The following OSBPL1A variants were observed in gnomAD, a reference collection of about 807,000 sequenced individuals.
The protein encoded by OSBPL1A is oxysterol binding protein like 1A.
A neutral mutation model predicts 137.1 loss-of-function variants in OSBPL1A; 80 were observed. That is an observed-to-expected ratio of 0.58 (90% CI 0.49 to 0.70). The LOEUF (loss-of-function observed/expected upper bound fraction) is 0.70, where lower values mean the gene tolerates loss of function less well. Ranked by LOEUF, OSBPL1A falls within the 30% of genes least tolerant of loss-of-function variation. The pLI is 0.00. For missense variants in OSBPL1A, 970 were observed against 1,129.4 expected (o/e 0.86, Z 2.02); for synonymous variants, 365 against 389.7 (o/e 0.94, Z 0.75).
At chr18:24,279,444 T>C (rs1480130867) in intron 15 of OSBPL1A, among the ~76,000 whole-genome samples, 1 of 151,712 alleles carries the variant, frequency 6.6e-6, no homozygotes, top group Non-Finnish European at 1.5e-5. Context: ...AAAAATTGTA[T>C]ATGAATTCAT....
chr18:24,302,023 T>G (rs2090410533), intron 14 of OSBPL1A, among the ~76,000 whole-genome samples: 1 of 152,076 alleles, frequency 6.6e-6, no homozygotes, highest in African/African-American at 2.4e-5. Flanking sequence ...GGTCAGGAGA[T>G]CGAGAGCATC....
intron 4 of OSBPL1A, among the ~76,000 whole-genome samples, chr18:24,356,943 G>A (rs1430430002): frequency 3.3e-5 from 5 of 152,124 alleles, no homozygotes; most frequent in Non-Finnish European, 5.9e-5. Context: ...AGCAGCAACC[G>A]ATAGGGCAAA....
chr18:24,320,299 T>C (rs1472346560), intron 7 of OSBPL1A, among the ~76,000 whole-genome samples: 1 of 152,030 alleles, frequency 6.6e-6, no homozygotes, highest in Non-Finnish European at 1.5e-5. Flanking sequence ...GAAAGACAGA[T>C]GATAAATTAA....
intron 4 of OSBPL1A, among the ~76,000 whole-genome samples, chr18:24,362,602 C>G (rs1232948229): frequency 2.0e-5 from 3 of 152,132 alleles, no homozygotes; most frequent in Non-Finnish European, 4.4e-5. Context: ...ATAAAGCTTC[C>G]AATCACGTGC....
At chr18:24,211,833 T>C (rs1036750780) in intron 17 of OSBPL1A, among the ~76,000 whole-genome samples, 6 of 151,584 alleles carry the variant, frequency 4.0e-5, no homozygotes, top group Non-Finnish European at 8.8e-5. Context: ...TGTGGTGGCA[T>C]GTGCTTGTAA....
Position 24,257,995 on chromosome 18 carries a change from A to C in OSBPL1A, c.1282-18613T>G, listed in dbSNP as rs556108656. On this transcript the variant is annotated intron_variant, in intron 15 of 27. Coordinates refer to ENST00000319481, the MANE Select transcript of OSBPL1A (RefSeq NM_080597.4). ...GTAACAAATGCTGGCAAGGATGTGG[A>C]GAAAGGGGAACACTGTTGGTGAGAA... 1.1e-4 allele frequency among the ~76,000 whole-genome samples: 17 copies of C among 152,336 alleles called. No individual in the cohort carries two copies. In the South Asian group the frequency reaches 3.5e-3, roughly 32 times the overall value.
chr18:24,288,121 T>C (rs1159553798), intron 14 of OSBPL1A, among the ~76,000 whole-genome samples: 1 of 152,198 alleles, frequency 6.6e-6, no homozygotes, highest in East Asian at 1.9e-4. Flanking sequence ...CAGGGTGATC[T>C]GAAAACACAT....
intron 4 of OSBPL1A, among the ~76,000 whole-genome samples, chr18:24,360,653 A>C (rs2091607704): frequency 6.6e-6 from 1 of 152,200 alleles, no homozygotes; most frequent in Non-Finnish European, 1.5e-5. Context: ...CACAAGAAAA[A>C]AAAATCGATT....
intron 1 of OSBPL1A, among the ~76,000 whole-genome samples, chr18:24,391,098 T>C (rs1907324664): frequency 6.6e-6 from 1 of 152,114 alleles, no homozygotes; most frequent in African/African-American, 2.4e-5. Context: ...CAAGACTCTG[T>C]CTCAATCGAT....
chr18:24,250,826 G>T (rs1246977608), intron 15 of OSBPL1A, among the ~76,000 whole-genome samples: 1 of 152,218 alleles, frequency 6.6e-6, no homozygotes, highest in East Asian at 1.9e-4. Context: ...TCCAGGCCTA[G>T]GCTCATGGAC....
At chr18:24,308,391 A>AT (rs1242699677) in intron 13 of OSBPL1A, among the ~76,000 whole-genome samples, 2 of 151,384 alleles carry the variant, frequency 1.3e-5, no homozygotes, top group African/African-American at 4.9e-5. Flanking sequence ...AAAAAAAAAA[A>AT]AAATTTGTTT....
At chr18:24,372,856 G>C (rs1394220279) in intron 2 of OSBPL1A, among the ~76,000 whole-genome samples, 1 of 152,134 alleles carries the variant, frequency 6.6e-6, no homozygotes, top group African/African-American at 2.4e-5. Context: ...TTGAGGTCAG[G>C]AGTTGGAGAC....
intron 5 of OSBPL1A, among the ~76,000 whole-genome samples, chr18:24,339,097 G>A (rs1365660462): frequency 1.3e-5 from 2 of 151,914 alleles, no homozygotes; most frequent in Admixed American, 6.6e-5. Flanking sequence ...TCAGCCTCCC[G>A]AGTTGCTGGG....
intron 21 of OSBPL1A, among the ~76,000 whole-genome samples, chr18:24,175,104 G>GTGTATATATATATATATATATA (rs1491534405): frequency 8.0e-4 from 34 of 42,714 alleles, no homozygotes; most frequent in Non-Finnish European, 1.3e-3. Flanking sequence ...TTTGCCATGT[G>GTGTATATATATATATATATATA]TATGTATATA....
intron 2 of OSBPL1A, among the ~76,000 whole-genome samples, chr18:24,370,892 C>T (rs1379151953): frequency 1.3e-5 from 2 of 152,172 alleles, no homozygotes; most frequent in Non-Finnish European, 2.9e-5. Flanking sequence ...TGGTCTCAAA[C>T]TCCTGAGCTC....
chr18:24,170,071 C>G (rs1048895602), intron 24 of OSBPL1A, among the ~76,000 whole-genome samples: 9 of 152,222 alleles, frequency 5.9e-5, no homozygotes, highest in African/African-American at 1.9e-4. Context: ...CATTCCAAAG[C>G]TATGTGAATT....
chr18:24,377,643 A>G, intron 1 of OSBPL1A, 108 bp from the exon 2 acceptor site: 1 of 1,122,528 alleles, frequency 8.9e-7, no homozygotes, highest in Admixed American at 3.0e-5. Flanking sequence ...GCAGCTGATA[A>G]GACAGACACA....
intron 7 of OSBPL1A, among the ~76,000 whole-genome samples, chr18:24,326,331 C>T (rs960719646): frequency 3.9e-5 from 6 of 152,154 alleles, no homozygotes; most frequent in African/African-American, 1.2e-4. Context: ...TCTGCCAGTC[C>T]TCATCCATTC....
At chr18:24,327,652 G>T (rs907827053) in intron 7 of OSBPL1A, among the ~76,000 whole-genome samples, 1 of 151,632 alleles carries the variant, frequency 6.6e-6, no homozygotes, top group African/African-American at 2.4e-5. Context: ...CAAATTATCC[G>T]CCTGCCTCAG....
Sources: allele counts gnomAD v4.1 joint callset (sites outside exome capture counted in the v4.1 genomes callset), GRCh38; gene constraint gnomAD v4.1.1; transcripts MANE v1.5; gene names NCBI Gene and HGNC (gene_info 2026-07-23, HGNC 2026-07-21).